The following PIK3C2B variants were observed in gnomAD, a reference collection of about 807,000 sequenced individuals.
PIK3C2B encodes phosphatidylinositol-4-phosphate 3-kinase catalytic subunit type 2 beta, also known as phosphatidylinositol 4-phosphate 3-kinase C2 domain-containing subunit beta.
A neutral mutation model predicts 184.3 loss-of-function variants in PIK3C2B; 83 were observed. That is an observed-to-expected ratio of 0.45 (90% CI 0.38 to 0.54). PIK3C2B has a LOEUF of 0.54. Among genes scored for constraint, PIK3C2B ranks in the 20% least tolerant of loss-of-function variants. The pLI is 0.00. For missense variants in PIK3C2B, 1,736 were observed against 2,113.5 expected (o/e 0.82, Z 3.50); for synonymous variants, 779 against 837.6 (o/e 0.93, Z 1.21).
Position 204,447,491 on chromosome 1 carries a change from G to A in PIK3C2B, c.2434C>T (p.Arg812Trp), listed in dbSNP as rs144230219. The A allele has an allele frequency of 5.6e-6, 9 of 1,613,772 alleles. No homozygotes were observed. Among genetic ancestry groups the A allele is most frequent in the South Asian group, 2.2e-5 (2 of 91,058 alleles). ...FSPRYEFGSL[R>W]EEDQRKLKDI... The stretch of plus-strand genomic sequence containing the variant: ...TTAAGCTTGCGCTGGTCTTCTTCCC[G>A]GAGGCTGCCAAACTCATAGCGGGGG... Residue 812 changes from arginine to tryptophan, a missense_variant, in exon 15 of 33, where the codon CGG becomes TGG. Transcript: ENST00000684373. The surrounding 1 kb of genome is among the most constrained non-coding windows in gnomAD (Gnocchi z 4.1).
intron 21 of PIK3C2B, 142 bp from the exon 22 acceptor site, chr1:204,440,463 A>C: frequency 8.9e-6 from 7 of 783,092 alleles, no homozygotes; most frequent in Non-Finnish European, 1.3e-5. Context: ...CACTCAGCTC[A>C]CACCAGGTCA....
intron 15 of PIK3C2B, among the ~76,000 whole-genome samples, chr1:204,446,466 A>AAT (rs1653873152): frequency 6.6e-6 from 1 of 152,210 alleles, no homozygotes; most frequent in South Asian, 2.1e-4. Flanking sequence ...ATCCCAACTC[A>AAT]GGGACATCTT....
chr1:204,469,032 C>T lies in PIK3C2B; in HGVS notation c.771G>A (p.Lys257=), dbSNP rs1183183620. 3 of 1,614,248 alleles carry T rather than the reference C, an allele frequency of 1.9e-6. No individual in the cohort carries two copies. Among genetic ancestry groups the T allele is most frequent in the Non-Finnish European group, 2.5e-6 (3 of 1,180,044 alleles). Reference sequence around the variant, plus strand: ...TGAAGTCCAGCGGCCCTCGGCCCTCCTTCCAGCCCCTGGTGGCATCCCGCA... The same window carrying T: ...TGAAGTCCAGCGGCCCTCGGCCCTCTTTCCAGCCCCTGGTGGCATCCCGCA... ...EMLRDATRGW[K]EGRGPLDFSK... is the part of the protein sequence containing the mutation. Residue 257 remains lysine (K), a synonymous_variant, in exon 2 of 33, where the codon AAG becomes AAA. Transcript: ENST00000684373.
chr1:204,442,599 T>G lies in PIK3C2B; in HGVS notation c.3083A>C (p.Gln1028Pro). Reference protein sequence around the residue: ...ILRTGLEEVKQFFALNGSCRL... With the variant: ...ILRTGLEEVKPFFALNGSCRL... ...GCACGAGCCATTGAGGGCAAAGAAC[T>G]GCTTCACCTCCTCCAGGCCCGTGCG... The change falls in exon 20 of 33, where the codon CAG becomes CCG. Residue 1028 changes from glutamine to proline, a missense_variant. Around this residue, in one of 8 missense-constraint regions of PIK3C2B, gnomAD observed 289 missense variants for 380.4 expected, o/e 0.76. Transcript: ENST00000684373. 2 of 1,555,520 alleles carry G rather than the reference T, an allele frequency of 1.3e-6. No individual in the cohort carries two copies. The highest frequency in any genetic ancestry group is 1.7e-6 in the Non-Finnish European group (2 of 1,149,012).
chr1:204,457,085 A>C lies in PIK3C2B; in HGVS notation c.1714-15T>G, dbSNP rs1040273338. The C allele has an allele frequency of 3.8e-6, 6 of 1,560,060 alleles. No homozygotes were observed. The highest frequency in any genetic ancestry group is 1.7e-4 in the Middle Eastern group (1 of 6,024). The stretch of plus-strand genomic sequence containing the variant: ...ACACTGGGATCCTGTTGGGAAAAAG[A>C]AGAGGGAGGGGAGCTTCAGGGCCAT... On this transcript the variant is annotated splice_polypyrimidine_tract_variant and intron_variant, in intron 9 of 32. Transcript: ENST00000684373.
At chr1:204,485,706 G>A (rs1657530573) in intron 1 of PIK3C2B, among the ~76,000 whole-genome samples, 1 of 151,876 alleles carries the variant, frequency 6.6e-6, no homozygotes, top group African/African-American at 2.4e-5. Flanking sequence ...CTCCTGAGAA[G>A]CTGGGACTAC....
At chr1:204,484,014 G>A (rs1657394976) in intron 1 of PIK3C2B, among the ~76,000 whole-genome samples, 1 of 152,176 alleles carries the variant, frequency 6.6e-6, no homozygotes, top group African/African-American at 2.4e-5. Context: ...TCCCGTGTAT[G>A]TGCCATTTCA....
intron 2 of PIK3C2B, chr1:204,467,137 G>T (rs532596771): frequency 2.8e-6 from 1 of 351,564 alleles, no homozygotes; most frequent in African/African-American, 2.2e-5. Flanking sequence ...ACATGCAGGG[G>T]ATGGGGAAGG....
Position 204,443,606 on chromosome 1 carries a change from C to A in PIK3C2B, c.2868-9G>T. 1 of 1,613,138 alleles carries A rather than the reference C, an allele frequency of 6.2e-7. No homozygotes were observed. Among genetic ancestry groups the A allele is most frequent in the Non-Finnish European group, 8.5e-7 (1 of 1,179,124 alleles). On this transcript the variant is annotated splice_polypyrimidine_tract_variant and intron_variant, in intron 18 of 32. Coordinates refer to ENST00000684373, the MANE Select transcript of PIK3C2B (RefSeq NM_001377334.1). ...GGCCGTCCTTCAGTAACCTGCAAGG[C>A]AGAGGGAGTCAGGAGTCAGGGCACT...
At chr1:204,485,943 T>A (rs1471705161) in intron 1 of PIK3C2B, among the ~76,000 whole-genome samples, 2 of 152,224 alleles carry the variant, frequency 1.3e-5, no homozygotes, top group East Asian at 3.9e-4. Flanking sequence ...AAAGTGACTT[T>A]GCTCTTTTGA....
At position 204,424,249 on chromosome 1, in the gene PIK3C2B, G is replaced by A. The variant is rs1278616843; in HGVS notation, c.*603C>T. The A allele has an allele frequency of 1.1e-5, 2 of 184,094 alleles. No homozygotes were observed. The highest frequency in any genetic ancestry group is 3.0e-4 in the East Asian group (2 of 6,602). 11.4% of individuals were successfully genotyped at this position (184,094 alleles called of 1,614,324 possible). Reference sequence around the variant, plus strand: ...AGCCCTCCCCAACCCTCCCCAACCTGTCCTTAGAGAGGGCTCTGGCCGAGG... The same window carrying A: ...AGCCCTCCCCAACCCTCCCCAACCTATCCTTAGAGAGGGCTCTGGCCGAGG... On this transcript the variant is annotated 3_prime_UTR_variant, in exon 33 of 33. Coordinates refer to ENST00000684373, the MANE Select transcript of PIK3C2B (RefSeq NM_001377334.1).
rs768056049 is a variant in PIK3C2B at position 204,432,405 on chromosome 1, G to A, written c.3954-4C>T. On this transcript the variant is annotated splice_polypyrimidine_tract_variant and splice_region_variant and intron_variant, in intron 26 of 32. Coordinates refer to ENST00000684373, the MANE Select transcript of PIK3C2B (RefSeq NM_001377334.1). ...GCCCAGGCTGGACTCAATCAACCTG[G>A]CAGGAGGATAAGAAAAGAGGATATA... The A allele has an allele frequency of 9.3e-6, 15 of 1,613,360 alleles. No homozygotes were observed. The Admixed American group carries it at 2.3e-4, about 25-fold the overall frequency.
At position 204,452,288 on chromosome 1, in the gene PIK3C2B, C is replaced by CTTTTTTTT. The variant is rs71145086; in HGVS notation, c.2067-2279_2067-2272dup. 8.0e-4 allele frequency among the ~76,000 whole-genome samples: 57 copies of CTTTTTTTT among 71,070 alleles called. 4 individuals carry two copies. Among genetic ancestry groups the CTTTTTTTT allele is most frequent in the Middle Eastern group, 0.02 (1 of 50 alleles). The allele number at this position is 71,070 out of a possible 152,430, so 46.6% of individuals were successfully genotyped here. ...CTGGGCCAGAACACTGTGCAGCACC[C>CTTTTTTTT]TTTTTTTTTTTTTTTTTTTTTTTTT... On this transcript the variant is annotated intron_variant, in intron 12 of 32. Coordinates refer to ENST00000684373, the MANE Select transcript of PIK3C2B (RefSeq NM_001377334.1).
At position 204,447,873 on chromosome 1, in the gene PIK3C2B, G is replaced by A. The variant is rs1040209146; in HGVS notation, c.2347-295C>T. On this transcript the variant is annotated intron_variant, in intron 14 of 32. Coordinates refer to ENST00000684373, the MANE Select transcript of PIK3C2B (RefSeq NM_001377334.1). This position sits in a 1 kb window ranked among gnomAD's most constrained non-coding sequence, Gnocchi z 4.1. ...CAAGCCCCAGCCAGAACTCTGAACAGAGGTGTCACCCAGCTGAAACACGGG... is the reference window on the plus strand; with the variant it reads ...CAAGCCCCAGCCAGAACTCTGAACAAAGGTGTCACCCAGCTGAAACACGGG... Among the ~76,000 whole-genome samples the A allele has an allele frequency of 6.6e-6, 1 of 152,210 alleles. No homozygotes were observed. Among genetic ancestry groups the A allele is most frequent in the African/African-American group, 2.4e-5 (1 of 41,438 alleles).
chr1:204,458,934 C>T (rs1180943141), intron 8 of PIK3C2B, among the ~76,000 whole-genome samples: 2 of 152,206 alleles, frequency 1.3e-5, no homozygotes, highest in Non-Finnish European at 2.9e-5. Flanking sequence ...GGGATTCTGG[C>T]AGTGACTAGA....
Position 204,433,663 on chromosome 1 carries a change from G to A in PIK3C2B, c.3843+130C>T, listed in dbSNP as rs1277950402. 2.2e-6 allele frequency: 2 copies of A among 913,990 alleles called. No individual in the cohort carries two copies. Among genetic ancestry groups the A allele is most frequent in the Non-Finnish European group, 1.7e-6 (1 of 575,246 alleles). 56.6% of individuals were successfully genotyped at this position (913,990 alleles called of 1,614,324 possible). A position where few individuals can be genotyped will look rare whatever the true frequency, so the allele number is the denominator to read the frequency against. Reference sequence around the variant, plus strand: ...AGTCTGGGTCCCTGCCTTTATCTAGGGCAGGCAGGTATTCAGTTGGGGCTC... The same window carrying A: ...AGTCTGGGTCCCTGCCTTTATCTAGAGCAGGCAGGTATTCAGTTGGGGCTC... On this transcript the variant is annotated intron_variant, in intron 25 of 32. Coordinates refer to ENST00000684373, the MANE Select transcript of PIK3C2B (RefSeq NM_001377334.1). This position sits in a 1 kb window ranked among gnomAD's most constrained non-coding sequence, Gnocchi z 5.0.
At chr1:204,486,900 T>C (rs963753634) in intron 1 of PIK3C2B, among the ~76,000 whole-genome samples, 1 of 151,996 alleles carries the variant, frequency 6.6e-6, no homozygotes, top group Non-Finnish European at 1.5e-5. Context: ...CTCCACCTCC[T>C]GGATTCAAGC....
Position 204,440,301 on chromosome 1 carries a change from C to T in PIK3C2B, c.3270G>A (p.Gln1090=), listed in dbSNP as rs373682005. The T allele has an allele frequency of 6.2e-7, 1 of 1,603,578 alleles. No individual in the cohort carries two copies. Among genetic ancestry groups the T allele is most frequent in the Non-Finnish European group, 8.5e-7 (1 of 1,174,406 alleles). ...GAATCATCTGCAGCGTTAGCATGTC[C>T]TGGCGAAGGTCGTCCCCACACTGGA... ...VIFKCGDDLR[Q]DMLTLQMIRI... is the part of the protein sequence containing the mutation. The change falls in exon 22 of 33, where the codon CAG becomes CAA. Residue 1090 remains glutamine (Q), a synonymous_variant. Coordinates refer to ENST00000684373, the MANE Select transcript of PIK3C2B (RefSeq NM_001377334.1).
intron 8 of PIK3C2B, among the ~76,000 whole-genome samples, chr1:204,459,296 C>T (rs776494388): frequency 2.2e-4 from 33 of 152,224 alleles, no homozygotes; most frequent in Admixed American, 7.2e-4. Context: ...GGATTACAGG[C>T]GTGGGCCATC....
Sources: gnomAD v4.1 joint callset for allele counts (sites outside exome capture counted in the v4.1 genomes callset) on GRCh38, gnomAD v4.1.1 for gene constraint, gnomAD v4.1.1 regional missense constraint, Gnocchi (gnomAD v3.1) non-coding constraint, MANE v1.5 for transcripts, NCBI Gene and HGNC (gene_info 2026-07-23, HGNC 2026-07-21) for gene names.